The following ROBO1 variants were observed in gnomAD, a reference collection of about 807,000 sequenced individuals.
ROBO1 encodes the protein roundabout homolog 1.
Under a neutral mutation model 195.9 loss-of-function variants are expected in ROBO1, and 149 were observed. The ratio of observed to expected loss-of-function variants is 0.76; its 90% CI spans 0.67 to 0.87. The LOEUF (loss-of-function observed/expected upper bound fraction) is 0.87, where lower values mean the gene tolerates loss of function less well. Among genes scored for constraint, ROBO1 ranks in the 40% least tolerant of loss-of-function variants. The pLI is 0.00. For synonymous variants in ROBO1, 816 were observed against 733.2 expected (o/e 1.11, Z -1.82); for missense variants, 1,933 against 2,068.3 (o/e 0.93, Z 1.27).
chr3:79,358,988 G>T (rs552423801), intron 2 of ROBO1, among the ~76,000 whole-genome samples: 1 of 151,844 alleles, frequency 6.6e-6, no homozygotes, highest in Non-Finnish European at 1.5e-5. Flanking sequence ...CCCTATAAAC[G>T]TTCATCTATA....
chr3:79,397,065 C>T (rs531300184), intron 2 of ROBO1, among the ~76,000 whole-genome samples: 7 of 151,954 alleles, frequency 4.6e-5, no homozygotes, highest in South Asian at 2.1e-4. Context: ...GATACTAAAA[C>T]GTGAAAAATA....
At chr3:78,925,363 T>C (rs1187247699) in intron 4 of ROBO1, among the ~76,000 whole-genome samples, 1 of 152,192 alleles carries the variant, frequency 6.6e-6, no homozygotes, top group African/African-American at 2.4e-5. Flanking sequence ...GAAGCTCTTT[T>C]GAAAAAGCTG....
At chr3:79,381,355 C>CAAAAAAAAAAAAAAAAAAA (rs61680946) in intron 2 of ROBO1, among the ~76,000 whole-genome samples, 2 of 60,714 alleles carry the variant, frequency 3.3e-5, no homozygotes, top group Non-Finnish European at 5.9e-5. Flanking sequence ...AACTCCGTCT[C>CAAAAAAAAAAAAAAAAAAA]AAAAAAAAAA....
chr3:79,673,323 T>A (rs1198674657), intron 1 of ROBO1, among the ~76,000 whole-genome samples: 4 of 151,944 alleles, frequency 2.6e-5, no homozygotes, highest in Non-Finnish European at 5.9e-5. Flanking sequence ...TATATGTGTG[T>A]GGGTGTGGGT....
chr3:79,655,499 T>C (rs1464072457), intron 1 of ROBO1, among the ~76,000 whole-genome samples: 1 of 152,088 alleles, frequency 6.6e-6, no homozygotes, highest in Non-Finnish European at 1.5e-5. Context: ...TGGAGTATAG[T>C]TATCAAATCT....
chr3:79,495,005 A>C (rs1269035304), intron 2 of ROBO1, among the ~76,000 whole-genome samples: 2 of 148,580 alleles, frequency 1.3e-5, no homozygotes, highest in African/African-American at 4.9e-5. Flanking sequence ...TCTGACATAG[A>C]TAGATTGACA....
chr3:78,845,283 T>C (rs1454565471), intron 4 of ROBO1, among the ~76,000 whole-genome samples: 1 of 151,688 alleles, frequency 6.6e-6, no homozygotes, highest in Non-Finnish European at 1.5e-5. Flanking sequence ...AGAGATTTAA[T>C]ATGAAAAAAG....
chr3:79,040,980 G>T (rs1331385818), intron 3 of ROBO1, among the ~76,000 whole-genome samples: 1 of 152,058 alleles, frequency 6.6e-6, no homozygotes, highest in Non-Finnish European at 1.5e-5. Context: ...ATCCTCATGA[G>T]CCTTGGCAGA....
At chr3:78,787,665 C>G (rs1211293203) in intron 4 of ROBO1, among the ~76,000 whole-genome samples, 1 of 152,154 alleles carries the variant, frequency 6.6e-6, no homozygotes, top group African/African-American at 2.4e-5. Flanking sequence ...TCACTCTGGT[C>G]AGGTGCGGTG....
intron 1 of ROBO1, among the ~76,000 whole-genome samples, chr3:79,591,578 C>T (rs959131921): frequency 2.0e-5 from 3 of 151,814 alleles, no homozygotes; most frequent in Admixed American, 6.6e-5. Context: ...ACTCTCCTTA[C>T]CCTAGTATAT....
intron 2 of ROBO1, among the ~76,000 whole-genome samples, chr3:79,299,686 G>C (rs1385051459): frequency 6.6e-6 from 1 of 152,052 alleles, no homozygotes; most frequent in Non-Finnish European, 1.5e-5. Context: ...GAGAAAACAA[G>C]ACTTTTTAAA....
At chr3:79,688,254 G>T (rs1039111275) in intron 1 of ROBO1, among the ~76,000 whole-genome samples, 8 of 150,582 alleles carry the variant, frequency 5.3e-5, no homozygotes, top group Admixed American at 2.6e-4. Context: ...AGCATTAGGA[G>T]ATATACCTAA....
At chr3:78,699,943 A>G (rs1008538739) in intron 8 of ROBO1, among the ~76,000 whole-genome samples, 1 of 152,202 alleles carries the variant, frequency 6.6e-6, no homozygotes, top group African/African-American at 2.4e-5. Context: ...AAATCATATC[A>G]GAATGCTACC....
At chr3:79,390,067 G>C (rs2036891984) in intron 2 of ROBO1, among the ~76,000 whole-genome samples, 1 of 152,092 alleles carries the variant, frequency 6.6e-6, no homozygotes, top group East Asian at 1.9e-4. Context: ...TCTACTGATA[G>C]ATTTGATGGG....
At chr3:79,123,837 G>GA (rs1430105221) in intron 3 of ROBO1, among the ~76,000 whole-genome samples, 1 of 151,774 alleles carries the variant, frequency 6.6e-6, no homozygotes, top group African/African-American at 2.4e-5. Flanking sequence ...AACCTGAAGG[G>GA]AAAAAATAAA....
intron 4 of ROBO1, among the ~76,000 whole-genome samples, chr3:78,864,249 G>A (rs2035026701): frequency 1.3e-5 from 2 of 152,114 alleles, no homozygotes; most frequent in African/African-American, 4.8e-5. Context: ...TGCCTTGAAT[G>A]ATGGTAGCTC....
intron 8 of ROBO1, 66 bp from the exon 9 acceptor site, chr3:78,688,838 C>G (rs1203517097): frequency 7.6e-6 from 11 of 1,449,490 alleles, no homozygotes; most frequent in Non-Finnish European, 1.0e-5. Context: ...TTGAGACAAT[C>G]TCTTATATTC....
At chr3:79,654,017 A>C (rs2106768950) in intron 1 of ROBO1, among the ~76,000 whole-genome samples, 1 of 152,058 alleles carries the variant, frequency 6.6e-6, no homozygotes, top group South Asian at 2.1e-4. Context: ...GAGTTAAAAA[A>C]CCTTATGACA....
chr3:79,152,773 G>A (rs1019885818), intron 2 of ROBO1, among the ~76,000 whole-genome samples: 1 of 151,640 alleles, frequency 6.6e-6, no homozygotes, highest in Admixed American at 6.6e-5. Context: ...CATGCAACAA[G>A]GGATTCATTT....
Sources: allele counts gnomAD v4.1 joint callset (sites outside exome capture counted in the v4.1 genomes callset), GRCh38; gene constraint gnomAD v4.1.1; transcripts MANE v1.5; gene names NCBI Gene and HGNC (gene_info 2026-07-23, HGNC 2026-07-21).